The following TMEM132B variants were observed in gnomAD, a reference collection of about 807,000 sequenced individuals.
TMEM132B encodes transmembrane protein 132B.
A neutral mutation model predicts 90.8 loss-of-function variants in TMEM132B; 18 were observed. That is an observed-to-expected ratio of 0.20 (90% confidence interval 0.14 to 0.29). The LOEUF is 0.29. Ranked by LOEUF, TMEM132B falls within the 10% of genes least tolerant of loss-of-function variation. The pLI is 1.00. For missense variants in TMEM132B, 1,096 were observed against 1,326.8 expected (o/e 0.83, Z 2.70); for synonymous variants, 504 against 523.3 (o/e 0.96, Z 0.50).
rs140288426 is a variant in TMEM132B at position 125,596,342 on chromosome 12, G to T, written c.1437+12348G>T. On this transcript the variant is annotated intron_variant, in intron 5 of 8. Transcript: ENST00000682704. ...ACAGCCTCCTATTAAACAAATGTGTGCTTCTCTTTTCCATTCCATTGTCAA... is the reference window on the plus strand; with the variant it reads ...ACAGCCTCCTATTAAACAAATGTGTTCTTCTCTTTTCCATTCCATTGTCAA... Among the ~76,000 whole-genome samples, 339 of 152,238 alleles carry T rather than the reference G, an allele frequency of 2.2e-3. 1 individual carries two copies. The highest frequency in any genetic ancestry group is 4.1e-3 in the Admixed American group (62 of 15,300).
intron 1 of TMEM132B, among the ~76,000 whole-genome samples, chr12:125,211,511 T>C (rs936327812): frequency 1.3e-5 from 2 of 152,080 alleles, no homozygotes; most frequent in Non-Finnish European, 2.9e-5. Flanking sequence ...CTGCTGCCTG[T>C]TTTCTGCACC....
At chr12:125,644,546 T>C (rs1593041840) in intron 6 of TMEM132B, among the ~76,000 whole-genome samples, 1 of 152,192 alleles carries the variant, frequency 6.6e-6, no homozygotes, top group African/African-American at 2.4e-5. Context: ...ATGCAATACA[T>C]AACAAGCACC....
At chr12:125,399,792 T>G (rs185756532) in intron 2 of TMEM132B, among the ~76,000 whole-genome samples, 2 of 152,142 alleles carry the variant, frequency 1.3e-5, no homozygotes, top group East Asian at 1.9e-4. Context: ...AGGTTTGAGA[T>G]TGGCTAAGCG....
At chr12:125,443,224 GA>G (rs1302822364) in intron 3 of TMEM132B, among the ~76,000 whole-genome samples, 1 of 152,196 alleles carries the variant, frequency 6.6e-6, no homozygotes, top group Non-Finnish European at 1.5e-5. Flanking sequence ...CACATAGCAG[GA>G]GACCCAGGTG....
chr12:125,515,700 C>G (rs547661973), intron 3 of TMEM132B, among the ~76,000 whole-genome samples: 1 of 151,260 alleles, frequency 6.6e-6, no homozygotes, highest in Non-Finnish European at 1.5e-5. Flanking sequence ...CTCCCACACT[C>G]ACACAACACA....
intron 5 of TMEM132B, among the ~76,000 whole-genome samples, chr12:125,602,811 A>C (rs1885602726): frequency 6.6e-6 from 1 of 152,182 alleles, no homozygotes. Flanking sequence ...AGGCATCCCT[A>C]TATACCAACA....
chr12:125,197,249 T>A (rs999544538), intron 1 of TMEM132B, among the ~76,000 whole-genome samples: 2 of 152,208 alleles, frequency 1.3e-5, no homozygotes, highest in Non-Finnish European at 2.9e-5. Context: ...CTTCCTCTGT[T>A]CATGATGTGA....
At chr12:125,609,243 A>G (rs1209377501) in intron 5 of TMEM132B, among the ~76,000 whole-genome samples, 2 of 152,172 alleles carry the variant, frequency 1.3e-5, no homozygotes, top group Non-Finnish European at 2.9e-5. Flanking sequence ...ATATCAGACC[A>G]AAAATGTGTT....
intron 2 of TMEM132B, among the ~76,000 whole-genome samples, chr12:125,383,716 A>G (rs894960464): frequency 2.6e-5 from 4 of 152,240 alleles, no homozygotes; most frequent in Non-Finnish European, 5.9e-5. Context: ...AGCATCACTC[A>G]TGATAAATAG....
intron 2 of TMEM132B, among the ~76,000 whole-genome samples, chr12:125,380,943 T>G (rs1878662526): frequency 6.6e-6 from 1 of 152,208 alleles, no homozygotes; most frequent in Admixed American, 6.5e-5. Flanking sequence ...TGCACATGAA[T>G]GCACACCCTC....
intron 3 of TMEM132B, among the ~76,000 whole-genome samples, chr12:125,502,555 C>T (rs2136602744): frequency 6.6e-6 from 1 of 152,310 alleles, no homozygotes; most frequent in South Asian, 2.1e-4. Flanking sequence ...TGGGCCCACC[C>T]AATCCCAAGT....
chr12:125,234,565 A>AC (rs1432290760), intron 1 of TMEM132B, among the ~76,000 whole-genome samples: 4 of 151,942 alleles, frequency 2.6e-5, no homozygotes, highest in African/African-American at 9.7e-5. Context: ...TGTTGTACCA[A>AC]CCCCCCTCGG....
intron 1 of TMEM132B, among the ~76,000 whole-genome samples, chr12:125,195,174 T>C (rs1872897029): frequency 6.6e-6 from 1 of 152,072 alleles, no homozygotes; most frequent in South Asian, 2.1e-4. Flanking sequence ...ACATTTTTAC[T>C]GTGCACCTGC....
At chr12:125,334,352 C>T (rs1235045715) in intron 1 of TMEM132B, among the ~76,000 whole-genome samples, 1 of 151,966 alleles carries the variant, frequency 6.6e-6, no homozygotes, top group Admixed American at 6.6e-5. Flanking sequence ...CTTGATACTC[C>T]TTCTACCAGA....
chr12:125,632,150 T>C (rs1420794836), intron 5 of TMEM132B, among the ~76,000 whole-genome samples: 3 of 152,068 alleles, frequency 2.0e-5, no homozygotes, highest in Non-Finnish European at 4.4e-5. Flanking sequence ...ATATGTTTGT[T>C]ACATGTTTTT....
At chr12:125,564,937 G>T (rs79434043) in intron 4 of TMEM132B, among the ~76,000 whole-genome samples, 2,477 of 152,298 alleles carry the variant, frequency 0.016, 67 homozygotes, top group African/African-American at 0.056. Context: ...TGTGTGGGAG[G>T]TGTGAAGGAT....
At chr12:125,203,384 T>G (rs1873109546) in intron 1 of TMEM132B, among the ~76,000 whole-genome samples, 1 of 152,226 alleles carries the variant, frequency 6.6e-6, no homozygotes, top group South Asian at 2.1e-4. Context: ...GAAATCTCAG[T>G]GAAAGTGTGA....
intron 3 of TMEM132B, among the ~76,000 whole-genome samples, chr12:125,432,594 A>G (rs1413117479): frequency 6.9e-6 from 1 of 144,824 alleles, no homozygotes; most frequent in Non-Finnish European, 1.5e-5. Context: ...GTGGCCTGCA[A>G]TGCCCATGGC....
chr12:125,609,384 A>G (rs1242581182), intron 5 of TMEM132B, among the ~76,000 whole-genome samples: 1 of 152,274 alleles, frequency 6.6e-6, no homozygotes, highest in South Asian at 2.1e-4. Context: ...TTATTTGGCT[A>G]TTCTGGGTCC....
Sources: allele counts gnomAD v4.1 joint callset (sites outside exome capture counted in the v4.1 genomes callset), GRCh38; gene constraint gnomAD v4.1.1; transcripts MANE v1.5; gene names NCBI Gene and HGNC (gene_info 2026-07-23, HGNC 2026-07-21).